Variants in KCNIP1 observed in about 807,000 individuals in gnomAD.
KCNIP1 encodes A-type potassium channel modulatory protein KCNIP1.
KCNIP1 carries 18 observed loss-of-function variants against 33.0 expected under a neutral mutation model. That is an observed-to-expected ratio of 0.55 (90% CI 0.38 to 0.81). The LOEUF is 0.81. KCNIP1 is among the 30% of genes least tolerant of loss of function. The probability of loss-of-function intolerance (pLI) is 0.00; values close to 1 mark genes in which losing one functional copy is unlikely to be tolerated. For synonymous variants in KCNIP1, 93 were observed against 98.3 expected (o/e 0.95, Z 0.32); for missense variants, 238 against 271.6 (o/e 0.88, Z 0.87).
In KCNIP1 at chr5:170,674,229, A is replaced by C. The variant is rs915050580; in HGVS notation, c.62-44529A>C. Reference sequence around the variant, plus strand: ...GGAGGGAAGGAGGGAAATATTTAATAGTTAAGTTACATCCACAGGTTTGAT... The same window carrying C: ...GGAGGGAAGGAGGGAAATATTTAATCGTTAAGTTACATCCACAGGTTTGAT... On this transcript the variant is annotated intron_variant, in intron 1 of 7. Transcript: ENST00000328939. Among the ~76,000 whole-genome samples, 3 of 148,826 alleles carry C rather than the reference A, an allele frequency of 2.0e-5. No individual in the cohort carries two copies. The Admixed American group carries it at 2.0e-4, about 10-fold the overall frequency.
At chr5:170,667,522 G>C (rs577954354) in intron 1 of KCNIP1, among the ~76,000 whole-genome samples, 2 of 152,318 alleles carry the variant, frequency 1.3e-5, no homozygotes, top group African/African-American at 2.4e-5. Flanking sequence ...GTTGGGAACT[G>C]TGTCTCCACC....
chr5:170,620,792 G>A (rs1047087239), intron 1 of KCNIP1, among the ~76,000 whole-genome samples: 4 of 152,166 alleles, frequency 2.6e-5, no homozygotes, highest in Non-Finnish European at 5.9e-5. Context: ...TTTAGGAGAT[G>A]CAAATTCATT....
chr5:170,391,020 G>A (rs1754575606), intron 1 of KCNIP1, among the ~76,000 whole-genome samples: 3 of 152,158 alleles, frequency 2.0e-5, no homozygotes, highest in Non-Finnish European at 2.9e-5. Context: ...TTATTAACAG[G>A]AGACTACAGT....
rs557151868 is a variant in KCNIP1 at position 170,482,716 on chromosome 5, G to T, written c.88+128752G>T. Among the ~76,000 whole-genome samples the T allele has an allele frequency of 3.3e-5, 5 of 152,294 alleles. No individual in the cohort carries two copies. The South Asian group carries it at 1.0e-3, about 32-fold the overall frequency. ...GTCCCCAGAGACCAGATTTCATCTGGTATGCTGTGGGAGTCAAGTAACGTC... is the reference window on the plus strand; with the variant it reads ...GTCCCCAGAGACCAGATTTCATCTGTTATGCTGTGGGAGTCAAGTAACGTC... On this transcript the variant is annotated intron_variant, in intron 1 of 7. Coordinates refer to the KCNIP1 transcript ENST00000377360.
intron 1 of KCNIP1, among the ~76,000 whole-genome samples, chr5:170,496,401 G>A (rs1383356925): frequency 6.6e-6 from 1 of 152,236 alleles, no homozygotes; most frequent in Non-Finnish European, 1.5e-5. Flanking sequence ...GACCAGCTGA[G>A]TTCAAGGCCA....
chr5:170,515,883 C>T (rs549568672), intron 1 of KCNIP1, among the ~76,000 whole-genome samples: 20 of 152,230 alleles, frequency 1.3e-4, no homozygotes, highest in African/African-American at 4.3e-4. Context: ...CCGAAAGAGG[C>T]GGCATTAGAG....
At chr5:170,518,082 TGTG>T (rs1259834680) in intron 1 of KCNIP1, among the ~76,000 whole-genome samples, 8 of 151,874 alleles carry the variant, frequency 5.3e-5, no homozygotes, top group African/African-American at 1.9e-4. Flanking sequence ...ATGGTGGTGG[TGTG>T]GTGGTAGTGA....
intron 1 of KCNIP1, among the ~76,000 whole-genome samples, chr5:170,448,228 C>T (rs1756164158): frequency 6.6e-6 from 1 of 152,214 alleles, no homozygotes; most frequent in South Asian, 2.1e-4. Context: ...GAGTGATCCC[C>T]CACTATCACT....
intron 1 of KCNIP1, among the ~76,000 whole-genome samples, chr5:170,625,330 C>T (rs1261510231): frequency 6.6e-6 from 1 of 152,166 alleles, no homozygotes; most frequent in Non-Finnish European, 1.5e-5. Context: ...CAGACAACCC[C>T]AAGCCCCAAG....
In KCNIP1 at chr5:170,711,856, C is replaced by T. The variant is rs551351950; in HGVS notation, c.62-6902C>T. On this transcript the variant is annotated intron_variant, in intron 1 of 7. Coordinates refer to ENST00000328939, the MANE Select transcript of KCNIP1 (RefSeq NM_014592.4). The stretch of plus-strand genomic sequence containing the variant: ...ATGAGTGAAAACACTCCAATGGATG[C>T]CCACCTATACGATCACTTTGAAGAG... Among the ~76,000 whole-genome samples the T allele has an allele frequency of 2.6e-5, 4 of 151,754 alleles. No individual in the cohort carries two copies. The South Asian group carries it at 6.2e-4, about 24-fold the overall frequency.
chr5:170,722,491 T>G (rs1396151039), intron 4 of KCNIP1, among the ~76,000 whole-genome samples: 1 of 151,040 alleles, frequency 6.6e-6, no homozygotes, highest in Non-Finnish European at 1.5e-5. Context: ...CAGAGCTCCA[T>G]TCTTCCTCAA....
chr5:170,475,829 T>C (rs1338896433), intron 1 of KCNIP1, among the ~76,000 whole-genome samples: 4 of 152,168 alleles, frequency 2.6e-5, no homozygotes, highest in Admixed American at 2.6e-4. Flanking sequence ...GAGAAGAAAC[T>C]GATCCTATTC....
chr5:170,684,949 T>C (rs977227796), intron 1 of KCNIP1, among the ~76,000 whole-genome samples: 1 of 143,756 alleles, frequency 7.0e-6, no homozygotes, highest in East Asian at 5.0e-4. Flanking sequence ...AAGAACACTT[T>C]TACTTCCTCC....
rs183241637 is a variant in KCNIP1 at position 170,473,164 on chromosome 5, C to T, written c.88+119200C>T. On this transcript the variant is annotated intron_variant, in intron 1 of 7. Transcript: ENST00000377360. ...GGTGTCGCATTGTGGTTTTGATTTGCATTTCCCTTATCATTAGTGATGTTG... is the reference window on the plus strand; with the variant it reads ...GGTGTCGCATTGTGGTTTTGATTTGTATTTCCCTTATCATTAGTGATGTTG... 4.8e-3 allele frequency among the ~76,000 whole-genome samples: 738 copies of T among 152,244 alleles called. 7 individuals carry two copies. The highest frequency in any genetic ancestry group is 0.016 in the African/African-American group (681 of 41,542).
intron 1 of KCNIP1, among the ~76,000 whole-genome samples, chr5:170,551,711 CTG>C (rs1214249542): frequency 2.0e-5 from 3 of 150,236 alleles, no homozygotes; most frequent in South Asian, 2.1e-4. Flanking sequence ...TGGCGTGTGA[CTG>C]TGTATATGAG....
At chr5:170,716,389 C>T (rs1359269283) in intron 1 of KCNIP1, among the ~76,000 whole-genome samples, 4 of 152,120 alleles carry the variant, frequency 2.6e-5, no homozygotes, top group African/African-American at 9.7e-5. Flanking sequence ...CTATAAAATA[C>T]AGCAAAAGAA....
At chr5:170,502,564 G>A (rs1358352227), upstream of KCNIP1, among the ~76,000 whole-genome samples, 1 of 152,180 alleles carries the variant, frequency 6.6e-6, no homozygotes, top group African/African-American at 2.4e-5. Flanking sequence ...TTCGTGGGGG[G>A]CAACTGTAGG....
intron 1 of KCNIP1, among the ~76,000 whole-genome samples, chr5:170,702,673 A>T: frequency 6.6e-6 from 1 of 152,198 alleles, no homozygotes; most frequent in African/African-American, 2.4e-5. Flanking sequence ...GGCCCAGCAG[A>T]GACCCTTAGG....
intron 1 of KCNIP1, among the ~76,000 whole-genome samples, chr5:170,608,792 A>T (rs1759032768): frequency 6.6e-6 from 1 of 151,994 alleles, no homozygotes; most frequent in South Asian, 2.1e-4. Flanking sequence ...CAAAGACAAA[A>T]TTAGTGTGGG....
Sources: allele counts gnomAD v4.1 joint callset (sites outside exome capture counted in the v4.1 genomes callset), GRCh38; gene constraint gnomAD v4.1.1; transcripts MANE v1.5; gene names NCBI Gene and HGNC (gene_info 2026-07-23, HGNC 2026-07-21).